The following XNDC1N variants were observed in gnomAD, a reference collection of about 807,000 sequenced individuals.
XNDC1N encodes the protein protein XNDC1N.
At chr11:71,883,923 C>G in the XNDC1N span, among the ~76,000 whole-genome samples, 2 of 152,144 alleles carry the variant, frequency 1.3e-5, no homozygotes, top group Non-Finnish European at 2.9e-5. Flanking sequence ...AACAGAGAAG[C>G]AACCAAAGAT....
chr11:71,870,694 C>A, the XNDC1N span, among the ~76,000 whole-genome samples: 1 of 151,996 alleles, frequency 6.6e-6, no homozygotes, highest in Non-Finnish European at 1.5e-5. Context: ...AGAAAGAAAA[C>A]AAATAGTCCA....
chr11:71,870,779 A>C, the XNDC1N span, among the ~76,000 whole-genome samples: 28 of 152,308 alleles, frequency 1.8e-4, no homozygotes, highest in South Asian at 1.2e-3. Flanking sequence ...ACATATGAAA[A>C]AGTGTTCAAC....
the XNDC1N span, among the ~76,000 whole-genome samples, chr11:71,917,991 C>G: frequency 6.6e-6 from 1 of 152,200 alleles, no homozygotes. Flanking sequence ...TCCTCCCAGC[C>G]AGAAACCTTC....
At chr11:71,902,337 G>A in the XNDC1N span, among the ~76,000 whole-genome samples, 4 of 152,218 alleles carry the variant, frequency 2.6e-5, no homozygotes, top group Admixed American at 6.5e-5. Flanking sequence ...GACTACAGGC[G>A]CACGCCGCCA....
chr11:71,887,877 C>T, the XNDC1N span, among the ~76,000 whole-genome samples: 3 of 152,330 alleles, frequency 2.0e-5, no homozygotes, highest in South Asian at 2.1e-4. Flanking sequence ...CTGAAAGATG[C>T]TTTCTTTCCT....
the XNDC1N span, chr11:71,865,827 T>C: frequency 1.1e-5 from 5 of 447,822 alleles, no homozygotes; most frequent in Admixed American, 4.9e-5. Flanking sequence ...TTTAGCAGCC[T>C]CTCTTGCCTC....
chr11:71,923,346 G>A, the XNDC1N span: 5 of 702,792 alleles, frequency 7.1e-6, no homozygotes, highest in East Asian at 1.3e-4. Context: ...GATCTTCACA[G>A]GAGCCATGGT....
chr11:71,881,052 T>C, the XNDC1N span, among the ~76,000 whole-genome samples: 5 of 152,330 alleles, frequency 3.3e-5, no homozygotes, highest in Middle Eastern at 6.8e-3. Flanking sequence ...CAGATTAAAT[T>C]TGATGATTAT....
At chr11:71,928,378 C>T in the XNDC1N span, 10 of 680,524 alleles carry the variant, frequency 1.5e-5, no homozygotes, top group South Asian at 6.2e-5. Flanking sequence ...GGACCGTGGA[C>T]CTCGAGGAGC....
the XNDC1N span, among the ~76,000 whole-genome samples, chr11:71,890,715 C>T: frequency 3.9e-5 from 6 of 152,132 alleles, no homozygotes; most frequent in South Asian, 2.1e-4. Flanking sequence ...GGAATATCAT[C>T]GTCTCCCCTC....
the XNDC1N span, chr11:71,918,800 G>T: frequency 1.5e-6 from 1 of 666,242 alleles, no homozygotes; most frequent in East Asian, 2.7e-5. Flanking sequence ...CAGCCAGAAT[G>T]AACTGAGACA....
At chr11:71,887,804 C>A in the XNDC1N span, among the ~76,000 whole-genome samples, 1 of 152,230 alleles carries the variant, frequency 6.6e-6, no homozygotes, top group South Asian at 2.1e-4. Flanking sequence ...TCCAACAGTA[C>A]CTAACCCGTC....
At chr11:71,892,161 T>A in the XNDC1N span, among the ~76,000 whole-genome samples, 1 of 152,100 alleles carries the variant, frequency 6.6e-6, no homozygotes, top group Non-Finnish European at 1.5e-5. Flanking sequence ...AGTAATATCT[T>A]CCTAGGGTAT....
At chr11:71,919,606 TTTTTTTTTTTGTTTG>T in the XNDC1N span, among the ~76,000 whole-genome samples, 4,328 of 18,824 alleles carry the variant, frequency 0.23, 219 homozygotes, top group African/African-American at 0.27. Context: ...GCCAGGTTGG[TTTTTTTTTTTGTTTG>T]TTTTTTTTTT....
At chr11:71,875,627 T>TG in the XNDC1N span, among the ~76,000 whole-genome samples, 1 of 151,898 alleles carries the variant, frequency 6.6e-6, no homozygotes, top group African/African-American at 2.4e-5. Context: ...AAAGCATTCA[T>TG]TAAAAAAAAA....
the XNDC1N span, chr11:71,914,470 T>C: frequency 1.1e-5 from 5 of 434,878 alleles, no homozygotes; most frequent in Non-Finnish European, 2.3e-5. Context: ...GTGGATCACT[T>C]GAGGCCAGGA....
chr11:71,923,529 T>C, the XNDC1N span: 3 of 603,040 alleles, frequency 5.0e-6, no homozygotes, highest in Non-Finnish European at 8.8e-6. Context: ...GTAACAGGAG[T>C]TACTTGCAGC....
the XNDC1N span, among the ~76,000 whole-genome samples, chr11:71,889,230 C>T: frequency 6.6e-6 from 1 of 152,258 alleles, no homozygotes; most frequent in East Asian, 1.9e-4. Flanking sequence ...AAGAAAAGGG[C>T]CTATTGAATT....
chr11:71,924,778 C>T, the XNDC1N span, among the ~76,000 whole-genome samples: 1 of 152,150 alleles, frequency 6.6e-6, no homozygotes, highest in Non-Finnish European at 1.5e-5. Context: ...CAAAAACACA[C>T]ATATTAGTAT....
Sources: gnomAD v4.1 joint callset for allele counts (sites outside exome capture counted in the v4.1 genomes callset) on GRCh38, gnomAD v4.1.1 for gene constraint, MANE v1.5 for transcripts, NCBI Gene and HGNC (gene_info 2026-07-23, HGNC 2026-07-21) for gene names.